Variants in PCDHA1 observed in about 807,000 individuals in gnomAD.
PCDHA1 encodes protocadherin alpha-1.
A neutral mutation model predicts 61.3 loss-of-function variants in PCDHA1; 42 were observed. That is an observed-to-expected ratio of 0.69 (90% CI 0.54 to 0.89). The LOEUF (loss-of-function observed/expected upper bound fraction) is 0.89, where lower values mean the gene tolerates loss of function less well. Ranked by LOEUF, PCDHA1 falls within the 40% of genes least tolerant of loss-of-function variation. The pLI is 0.00. For synonymous variants in PCDHA1, 610 were observed against 553.8 expected, an observed-to-expected ratio of 1.10 and a Z score of -1.43; for missense variants, 1,256 against 1,235.3, an observed-to-expected ratio of 1.02 and a Z score of -0.25.
chr5:140,838,077 AGTGTGTGT>A (rs2150283763), intron 1 of PCDHA1, among the ~76,000 whole-genome samples: 8,999 of 80,104 alleles, frequency 0.11, 350 homozygotes, highest in Admixed American at 0.12. Context: ...ATATATATAT[AGTGTGTGT>A]GTGTGTGTGT....
intron 1 of PCDHA1, chr5:140,967,874 C>T: frequency 6.2e-7 from 1 of 1,614,132 alleles, no homozygotes; most frequent in Non-Finnish European, 8.5e-7. Context: ...GCTCACGGAC[C>T]TGTATAGCCC....
intron 1 of PCDHA1, chr5:140,850,767 G>A: frequency 1.3e-6 from 2 of 1,598,126 alleles, no homozygotes; most frequent in Admixed American, 1.7e-5. Flanking sequence ...GAGGCAGAGG[G>A]TGTGCTCTGG....
At chr5:140,805,584 T>C (rs1763598795) in intron 1 of PCDHA1, 2 of 934,032 alleles carry the variant, frequency 2.1e-6, no homozygotes, top group Non-Finnish European at 2.6e-6. Context: ...ATGGCTACCA[T>C]TATGTCTTTA....
chr5:140,853,472 T>C lies in PCDHA1; in HGVS notation c.2394+64788T>C, dbSNP rs1420566523. The C allele has an allele frequency of 4.8e-5, 47 of 973,390 alleles. 7 individuals are homozygous for C. The highest frequency in any genetic ancestry group is 5.7e-5 in the Non-Finnish European group (46 of 806,260). 60.3% of individuals were successfully genotyped at this position (973,390 alleles called of 1,614,324 possible). A position where few individuals can be genotyped will look rare whatever the true frequency, so the allele number is the denominator to read the frequency against. ...AGGTCTCCTTATATGCATCTGTAGT[T>C]AACATTCCTCAATTCAAGTTAGAAT... On this transcript the variant is annotated intron_variant, in intron 1 of 3. Coordinates refer to ENST00000504120, the MANE Select transcript of PCDHA1 (RefSeq NM_018900.4).
chr5:140,896,536 CTT>C (rs34213614), intron 1 of PCDHA1, among the ~76,000 whole-genome samples: 1 of 145,640 alleles, frequency 6.9e-6, no homozygotes. Flanking sequence ...AGCTATTTTT[CTT>C]TTTTTTTTTT....
At chr5:140,799,387 A>C (rs1185489432) in intron 1 of PCDHA1, among the ~76,000 whole-genome samples, 1 of 152,154 alleles carries the variant, frequency 6.6e-6, no homozygotes, top group Non-Finnish European at 1.5e-5. Context: ...ATGAAGTTTA[A>C]AAATTTTAAA....
chr5:140,882,651 A>T, intron 1 of PCDHA1: 1 of 1,614,206 alleles, frequency 6.2e-7, no homozygotes, highest in Non-Finnish European at 8.5e-7. Context: ...GACATTAACG[A>T]CAACCCGCCC....
In PCDHA1 at chr5:140,876,858, G is replaced by A. The variant is rs201724019; in HGVS notation, c.2394+88174G>A. The A allele has an allele frequency of 1.3e-4, 215 of 1,614,152 alleles. No homozygotes were observed. In the East Asian group the frequency reaches 3.0e-3, roughly 22 times the overall value. ...CGTTCGCGCAGCCCGAGTACACAGT[G>A]TTCGTGAAGGAGAACAACCCGCCGG... On this transcript the variant is annotated intron_variant, in intron 1 of 3. Transcript: ENST00000504120.
chr5:140,841,612 G>A (rs141381378), intron 1 of PCDHA1: 7 of 1,614,012 alleles, frequency 4.3e-6, no homozygotes, highest in African/African-American at 2.7e-5. Context: ...AGCTGTGCGG[G>A]CGGAGCGCGG....
At chr5:140,882,252 G>A in intron 1 of PCDHA1, 1 of 1,597,600 alleles carries the variant, frequency 6.3e-7, no homozygotes, top group Non-Finnish European at 8.5e-7. Context: ...ATAGCTCTGA[G>A]GTTTTTGGAG....
chr5:140,857,273 G>A, intron 1 of PCDHA1: 3 of 1,598,730 alleles, frequency 1.9e-6, no homozygotes, highest in Middle Eastern at 1.7e-4. Context: ...ATTGGTGCTG[G>A]ACAGCGCTCT....
chr5:140,986,897 T>A (rs534075146), intron 3 of PCDHA1, among the ~76,000 whole-genome samples: 13 of 152,086 alleles, frequency 8.5e-5, no homozygotes, highest in Non-Finnish European at 1.9e-4. Flanking sequence ...TTAGGCCCTA[T>A]CCTAGACTAA....
intron 1 of PCDHA1, among the ~76,000 whole-genome samples, chr5:140,912,685 G>A (rs2076025155): frequency 6.6e-6 from 1 of 152,060 alleles, no homozygotes; most frequent in Non-Finnish European, 1.5e-5. Flanking sequence ...CTTATTCCAG[G>A]TCTCAGGGGG....
At chr5:140,960,303 C>G (rs2095539243) in intron 1 of PCDHA1, among the ~76,000 whole-genome samples, 1 of 152,132 alleles carries the variant, frequency 6.6e-6, no homozygotes, top group African/African-American at 2.4e-5. Context: ...TTCATCAATA[C>G]CAACCTCATT....
rs782510264 is a variant in PCDHA1, at chr5:140,863,385, G to A, written c.2394+74701G>A. 4 of 1,030,862 alleles carry A rather than the reference G, an allele frequency of 3.9e-6. No homozygotes were observed. In the South Asian group the frequency reaches 4.9e-5, roughly 13 times the overall value. The allele number at this position is 1,030,862 out of a possible 1,614,324, so 63.9% of individuals were successfully genotyped here. ...GCTTGGCGCAGCTCACCGAGAGCTC[G>A]TGCATGCCGGGCAAGCCCACGCTGG... On this transcript the variant is annotated intron_variant, in intron 1 of 3. Transcript: ENST00000504120.
At chr5:140,997,399 C>T (rs1453624678) in intron 3 of PCDHA1, among the ~76,000 whole-genome samples, 1 of 152,118 alleles carries the variant, frequency 6.6e-6, no homozygotes, top group Non-Finnish European at 1.5e-5. Flanking sequence ...TAGGCTCTAT[C>T]GTATGGCCTA....
chr5:140,822,286 T>C, intron 1 of PCDHA1: 2 of 1,614,248 alleles, frequency 1.2e-6, no homozygotes, highest in Non-Finnish European at 1.7e-6. Flanking sequence ...GAGATACAGG[T>C]TAAATCCAAA....
intron 3 of PCDHA1, among the ~76,000 whole-genome samples, chr5:140,987,400 C>T (rs1554249169): frequency 1.3e-5 from 2 of 152,090 alleles, no homozygotes; most frequent in Middle Eastern, 3.2e-3. Context: ...AGGAAGCCAT[C>T]TGTTTATGGT....
chr5:140,869,451 T>C, intron 1 of PCDHA1: 1 of 1,614,146 alleles, frequency 6.2e-7, no homozygotes, highest in Non-Finnish European at 8.5e-7. Context: ...CGCTGCAGGT[T>C]TTCCATGTGA....
Sources: gnomAD v4.1 joint callset for allele counts (sites outside exome capture counted in the v4.1 genomes callset) on GRCh38, gnomAD v4.1.1 for gene constraint, MANE v1.5 for transcripts, NCBI Gene and HGNC (gene_info 2026-07-23, HGNC 2026-07-21) for gene names.